The following INSR variants were observed in gnomAD, a reference collection of about 807,000 sequenced individuals.
The protein encoded by INSR is IR.
A neutral mutation model predicts 142.6 loss-of-function variants in INSR; 67 were observed. The ratio of observed to expected loss-of-function variants is 0.47; its 90% CI spans 0.39 to 0.58. INSR has a LOEUF of 0.58. Ranked by LOEUF, INSR falls within the 20% of genes least tolerant of loss-of-function variation. INSR has a pLI of 0.00. For synonymous variants in INSR, 756 were observed against 743.1 expected (o/e 1.02, Z -0.28); for missense variants, 1,248 against 1,833.2 (o/e 0.68, Z 5.83).
intron 2 of INSR, among the ~76,000 whole-genome samples, chr19:7,215,661 G>A (rs1034115870): frequency 2.6e-5 from 4 of 151,682 alleles, no homozygotes; most frequent in East Asian, 3.9e-4. Context: ...TTCGCCTCCC[G>A]GGTTCAAGTG....
At chr19:7,194,740 C>CA (rs1390881750) in intron 2 of INSR, among the ~76,000 whole-genome samples, 3 of 147,898 alleles carry the variant, frequency 2.0e-5, no homozygotes, top group Non-Finnish European at 3.0e-5. Flanking sequence ...AGGCTGGTCT[C>CA]AAACACGTGA....
At chr19:7,138,073 C>T (rs1215297596) in intron 13 of INSR, among the ~76,000 whole-genome samples, 2 of 151,294 alleles carry the variant, frequency 1.3e-5, no homozygotes, top group Non-Finnish European at 1.5e-5. Flanking sequence ...ACGCCATTCT[C>T]CTGCCTCAGC....
chr19:7,209,510 C>T (rs376382583), intron 2 of INSR, among the ~76,000 whole-genome samples: 9 of 152,242 alleles, frequency 5.9e-5, no homozygotes, highest in African/African-American at 2.2e-4. Flanking sequence ...CTCGACTTCC[C>T]AGGCTTAACT....
intron 6 of INSR, among the ~76,000 whole-genome samples, chr19:7,170,278 C>T (rs1300602049): frequency 6.6e-6 from 1 of 151,636 alleles, no homozygotes; most frequent in African/African-American, 2.4e-5. Flanking sequence ...TGATCTGTCA[C>T]TGTCTCCCAT....
chr19:7,173,473 C>T (rs898135204), intron 4 of INSR, among the ~76,000 whole-genome samples: 5 of 151,892 alleles, frequency 3.3e-5, no homozygotes, highest in South Asian at 4.2e-4. Flanking sequence ...CATGTGCCAC[C>T]GTGCCCAGCT....
Position 7,115,286 on chromosome 19 carries a change from G to A in INSR, c.*1770C>T, listed in dbSNP as rs1972296409. 6.6e-6 allele frequency: 1 copy of A among 152,224 alleles called. No homozygotes were observed. The highest frequency in any genetic ancestry group is 1.5e-5 in the Non-Finnish European group (1 of 68,052). 9.4% of individuals were successfully genotyped at this position (152,224 alleles called of 1,614,324 possible). ...AGTTCACTGTGTTCTTTGAGCAGCT[G>A]TGGTGGTTCTTTTTGCAAAGAGAAG... On this transcript the variant is annotated 3_prime_UTR_variant, in exon 22 of 22. Coordinates refer to ENST00000302850, the MANE Select transcript of INSR (RefSeq NM_000208.4).
intron 2 of INSR, among the ~76,000 whole-genome samples, chr19:7,191,956 A>G (rs746913013): frequency 8.0e-6 from 1 of 125,756 alleles, no homozygotes. Context: ...GAGAGAGATA[A>G]AAAGAAAGAA....
chr19:7,114,738 C>T lies in INSR; in HGVS notation c.*2318G>A, dbSNP rs80330850. On this transcript the variant is annotated 3_prime_UTR_variant, in exon 22 of 22. Coordinates refer to ENST00000302850, the MANE Select transcript of INSR (RefSeq NM_000208.4). ...TCTTTGATAAAAATTTACATGCGCT[C>T]CATTTTTTATGAGAGTGATTTTCAG... 1,412 of 152,548 alleles carry T rather than the reference C, an allele frequency of 9.3e-3. 13 individuals carry two copies. The highest frequency in any genetic ancestry group is 0.014 in the Non-Finnish European group (973 of 67,990). The allele number at this position is 152,548 out of a possible 1,614,324, so 9.4% of individuals were successfully genotyped here.
At chr19:7,124,636 T>TAA (rs1972598555) in intron 17 of INSR, among the ~76,000 whole-genome samples, 1 of 58,694 alleles carries the variant, frequency 1.7e-5, no homozygotes, top group African/African-American at 6.3e-5. Flanking sequence ...TATATATATA[T>TAA]ATGAAATAAA....
intron 8 of INSR, among the ~76,000 whole-genome samples, chr19:7,163,948 A>AAAAAAAAAAAAAATATATATATATAT (rs1411048837): frequency 7.4e-6 from 1 of 136,030 alleles, no homozygotes; most frequent in African/African-American, 3.2e-5. Context: ...AAAAAAAAAA[A>AAAAAAAAAAAAAATATATATATATAT]ATTAGCTGGA....
intron 2 of INSR, among the ~76,000 whole-genome samples, chr19:7,188,731 G>A (rs1292888486): frequency 6.6e-6 from 1 of 151,758 alleles, no homozygotes; most frequent in Admixed American, 6.6e-5. Context: ...AAAATTAGTC[G>A]GGTGTGGTGG....
At chr19:7,149,154 G>A (rs1271971515) in intron 11 of INSR, among the ~76,000 whole-genome samples, 4 of 151,944 alleles carry the variant, frequency 2.6e-5, no homozygotes, top group Non-Finnish European at 5.9e-5. Context: ...TGATCCGCCC[G>A]CCTCGGCCTC....
At chr19:7,141,110 TC>T (rs1302907613) in intron 13 of INSR, among the ~76,000 whole-genome samples, 1 of 152,178 alleles carries the variant, frequency 6.6e-6, no homozygotes, top group Admixed American at 6.6e-5. Flanking sequence ...TGGTGCAATC[TC>T]TGCTCACTGC....
rs185382212 is a variant in INSR at position 7,211,745 on chromosome 19, C to T, written c.653-27108G>A. Among the ~76,000 whole-genome samples the T allele has an allele frequency of 4.7e-4, 72 of 152,232 alleles. 1 individual carries two copies. The East Asian group carries it at 0.01, about 22-fold the overall frequency. ...CAGCCGCGGAGAAGGAAGCTGTCCC[C>T]GTCAACACGGTCTGGAACAATCCAC... On this transcript the variant is annotated intron_variant, in intron 2 of 21. Transcript: ENST00000302850.
intron 1 of INSR, among the ~76,000 whole-genome samples, chr19:7,288,056 G>C (rs1202004259): frequency 6.6e-6 from 1 of 152,118 alleles, no homozygotes; most frequent in South Asian, 2.1e-4. Context: ...GAAGAAGTCG[G>C]AATCTATGTA....
chr19:7,160,179 A>G (rs1973710581), intron 9 of INSR, among the ~76,000 whole-genome samples: 3 of 151,474 alleles, frequency 2.0e-5, no homozygotes, highest in South Asian at 4.2e-4. Context: ...TCTTAGATGG[A>G]GTTTTGCTTT....
intron 1 of INSR, among the ~76,000 whole-genome samples, chr19:7,292,621 C>A (rs1471550211): frequency 1.3e-5 from 2 of 152,194 alleles, no homozygotes; most frequent in Non-Finnish European, 2.9e-5. Context: ...TCCCTGACCC[C>A]TTCCTCATCA....
intron 2 of INSR, among the ~76,000 whole-genome samples, chr19:7,215,574 A>ATTTT (rs1555753807): frequency 6.6e-5 from 10 of 150,560 alleles, no homozygotes; most frequent in Admixed American, 2.0e-4. Context: ...TTATTTATTT[A>ATTTT]TTTATTTTTT....
At chr19:7,165,686 C>T (rs780217211) in intron 8 of INSR, among the ~76,000 whole-genome samples, 27 of 151,876 alleles carry the variant, frequency 1.8e-4, no homozygotes, top group Admixed American at 5.9e-4. Context: ...AACACAGCAA[C>T]GTTCTGTCTC....
Sources: allele counts gnomAD v4.1 joint callset (sites outside exome capture counted in the v4.1 genomes callset), GRCh38; gene constraint gnomAD v4.1.1; transcripts MANE v1.5; gene names NCBI Gene and HGNC (gene_info 2026-07-23, HGNC 2026-07-21).